NTM: variants seen among roughly 807,000 people sequenced by gnomAD.
NTM encodes the protein IgLON family member 2.
A neutral mutation model predicts 42.1 loss-of-function variants in NTM; 13 were observed. The ratio of observed to expected loss-of-function variants is 0.31; its 90% confidence interval spans 0.20 to 0.49. NTM has a LOEUF of 0.49. Among genes scored for constraint, NTM ranks in the 20% least tolerant of loss-of-function variants. The pLI, the probability that NTM is intolerant of heterozygous loss-of-function variation, is 0.99. For synonymous variants in NTM, 187 were observed against 179.2 expected (o/e 1.04, Z -0.35); for missense variants, 373 against 452.8 (o/e 0.82, Z 1.60).
In NTM at chr11:132,146,367, G is replaced by A; in HGVS notation, c.253G>A (p.Asp85Asn). 6.2e-7 allele frequency: 1 copy of A among 1,614,172 alleles called. No homozygotes were observed. The highest frequency in any genetic ancestry group is 8.5e-7 in the Non-Finnish European group (1 of 1,180,036). The change falls in exon 3 of 9, where the codon GAT becomes AAT. Residue 85 changes from aspartate to asparagine, a missense_variant. Physicochemically the swap from Asp to Asn is conservative, Grantham distance 23. Coordinates refer to ENST00000683400, the MANE Select transcript of NTM (RefSeq NM_001352005.2). This position sits in a 1 kb window ranked among gnomAD's most constrained non-coding sequence, Gnocchi z 4.5. ...TGCTGGGAATGACAAGTGGTGCCTG[G>A]ATCCTCGCGTGGTCCTTCTGAGCAA... is the stretch of plus-strand genomic sequence containing the variant. ...LYAGNDKWCL[D>N]PRVVLLSNTQ...
chr11:132,061,934 G>A (rs1338439142), intron 2 of NTM, among the ~76,000 whole-genome samples: 1 of 151,782 alleles, frequency 6.6e-6, no homozygotes, highest in Non-Finnish European at 1.5e-5. Flanking sequence ...ATGTGAGTGC[G>A]TGTGTGTGTG....
At chr11:131,634,276 G>A (rs2064086031) in intron 1 of NTM, among the ~76,000 whole-genome samples, 1 of 152,052 alleles carries the variant, frequency 6.6e-6, no homozygotes, top group Non-Finnish European at 1.5e-5. Flanking sequence ...TGAATGCGTC[G>A]AAAATTGGCT....
chr11:132,177,580 AG>A (rs1346305510), intron 3 of NTM, among the ~76,000 whole-genome samples: 9 of 152,372 alleles, frequency 5.9e-5, no homozygotes, highest in Middle Eastern at 3.4e-3. Context: ...ATAACATTTT[AG>A]AAGATGACTG....
chr11:131,514,848 T>C (rs1173971549), intron 1 of NTM, among the ~76,000 whole-genome samples: 3 of 152,152 alleles, frequency 2.0e-5, no homozygotes, highest in African/African-American at 7.2e-5. Flanking sequence ...TGCCTTGGCT[T>C]CCCAAGATGC....
chr11:132,005,487 A>G (rs2070561099), intron 2 of NTM, among the ~76,000 whole-genome samples: 1 of 152,206 alleles, frequency 6.6e-6, no homozygotes, highest in Admixed American at 6.5e-5. Context: ...ATGGTTTGGA[A>G]TAAATGATTG....
At chr11:132,129,236 G>A (rs892358301) in intron 2 of NTM, among the ~76,000 whole-genome samples, 4 of 152,182 alleles carry the variant, frequency 2.6e-5, no homozygotes, top group African/African-American at 7.2e-5. Context: ...TTCTGGAAGA[G>A]CAATGTTGTA....
intron 1 of NTM, among the ~76,000 whole-genome samples, chr11:131,576,225 T>G (rs1251789183): frequency 6.6e-6 from 1 of 152,148 alleles, no homozygotes; most frequent in Non-Finnish European, 1.5e-5. Flanking sequence ...GGCTGCATAT[T>G]CTATAGGTTT....
intron 1 of NTM, among the ~76,000 whole-genome samples, chr11:131,856,024 G>C (rs2046058318): frequency 6.6e-6 from 1 of 152,176 alleles, no homozygotes; most frequent in Non-Finnish European, 1.5e-5. Context: ...TTGAATACAT[G>C]AAAGAAGAAA....
At chr11:132,275,154 TG>T (rs2093656771) in intron 4 of NTM, among the ~76,000 whole-genome samples, 2 of 152,164 alleles carry the variant, frequency 1.3e-5, no homozygotes, top group African/African-American at 4.8e-5. Flanking sequence ...CTCTTCAAGA[TG>T]TTTTATAGTT....
intron 1 of NTM, among the ~76,000 whole-genome samples, chr11:131,466,715 C>A (rs1951933081): frequency 6.6e-6 from 1 of 152,188 alleles, no homozygotes; most frequent in Non-Finnish European, 1.5e-5. Context: ...CTGGGTATAT[C>A]ATGGTTCCAA....
At chr11:131,752,876 C>A (rs1591609291) in intron 1 of NTM, among the ~76,000 whole-genome samples, 3 of 152,196 alleles carry the variant, frequency 2.0e-5, no homozygotes, top group African/African-American at 7.2e-5. Context: ...CAACAAAAGA[C>A]AAAATTGACA....
intron 1 of NTM, among the ~76,000 whole-genome samples, chr11:131,895,155 CT>C (rs2052054470): frequency 6.6e-6 from 1 of 152,200 alleles, no homozygotes; most frequent in Non-Finnish European, 1.5e-5. Flanking sequence ...GCCATCATCA[CT>C]GATATATAGA....
chr11:132,195,229 C>T (rs1191498883), intron 3 of NTM, among the ~76,000 whole-genome samples: 1 of 151,938 alleles, frequency 6.6e-6, no homozygotes, highest in Non-Finnish European at 1.5e-5. Context: ...CCTAGGAATA[C>T]GTCTAACCAA....
chr11:131,436,847 G>A (rs1163977478), intron 1 of NTM, among the ~76,000 whole-genome samples: 10 of 151,910 alleles, frequency 6.6e-5, no homozygotes, highest in Non-Finnish European at 1.0e-4. Context: ...GTTTGCTCTC[G>A]CTTCTCTAGT....
chr11:131,821,987 T>G (rs540033227), intron 1 of NTM, among the ~76,000 whole-genome samples: 1 of 152,212 alleles, frequency 6.6e-6, no homozygotes, highest in Non-Finnish European at 1.5e-5. Flanking sequence ...AATTTTACTT[T>G]GAGAAGGTAG....
intron 2 of NTM, among the ~76,000 whole-genome samples, chr11:132,098,118 GTGT>G (rs1166393168): frequency 1.3e-5 from 2 of 152,136 alleles, no homozygotes; most frequent in Non-Finnish European, 2.9e-5. Context: ...TAATTATGAG[GTGT>G]TGACTGATTT....
At chr11:131,511,561 G>C (rs1381709465) in intron 1 of NTM, among the ~76,000 whole-genome samples, 1 of 152,176 alleles carries the variant, frequency 6.6e-6, no homozygotes, top group Non-Finnish European at 1.5e-5. Context: ...TAGACTTTGT[G>C]CTTGCACTTG....
Position 132,003,186 on chromosome 11 carries a change from G to C in NTM, c.167+91538G>C, listed in dbSNP as rs1219814159. Reference sequence around the variant, plus strand: ...CCAGAGTTATTTCGCTCTGCCAGTGGTGCACTTCAGAAACACCTGGAGGCT... The same window carrying C: ...CCAGAGTTATTTCGCTCTGCCAGTGCTGCACTTCAGAAACACCTGGAGGCT... On this transcript the variant is annotated intron_variant, in intron 2 of 8. Transcript: ENST00000683400. The surrounding 1 kb of genome is among the most constrained non-coding windows in gnomAD (Gnocchi z 6.0). Among the ~76,000 whole-genome samples the C allele has an allele frequency of 6.6e-6, 1 of 151,840 alleles. No individual in the cohort carries two copies. Among genetic ancestry groups the C allele is most frequent in the Non-Finnish European group, 1.5e-5 (1 of 68,026 alleles).
intron 1 of NTM, chr11:131,538,943 A>ATTTTTTTTTTT (rs1189734867): frequency 2.6e-4 from 19 of 72,372 alleles, no homozygotes; most frequent in Non-Finnish European, 2.4e-4. Context: ...TTTTTTTTTA[A>ATTTTTTTTTTT]TTTTTTTGAG....
Sources: allele counts gnomAD v4.1 joint callset (sites outside exome capture counted in the v4.1 genomes callset), GRCh38; gene constraint gnomAD v4.1.1; non-coding constraint Gnocchi (gnomAD v3.1); transcripts MANE v1.5; gene names NCBI Gene and HGNC (gene_info 2026-07-23, HGNC 2026-07-21).